Variants in PDE6A observed in about 807,000 individuals in gnomAD.
The protein encoded by PDE6A is phosphodiesterase 6A, also known as rod cGMP-specific 3',5'-cyclic phosphodiesterase subunit alpha.
A neutral mutation model predicts 106.3 loss-of-function variants in PDE6A; 84 were observed. The observed-to-expected ratio is 0.79, with a 90% CI of 0.66 to 0.95. The LOEUF (loss-of-function observed/expected upper bound fraction) is 0.95, where lower values mean the gene tolerates loss of function less well. PDE6A is among the 40% of genes least tolerant of loss of function. The pLI is 0.00. For synonymous variants in PDE6A, 394 were observed against 386.6 expected (o/e 1.02, Z -0.23); for missense variants, 1,052 against 1,084.9 (o/e 0.97, Z 0.43).
chr5:149,942,212 C>G (rs1032723652), intron 1 of PDE6A, among the ~76,000 whole-genome samples: 1 of 152,194 alleles, frequency 6.6e-6, no homozygotes, highest in Non-Finnish European at 1.5e-5. Context: ...GTCTTCCCAC[C>G]TCAGCCTCCC....
intron 3 of PDE6A, chr5:149,932,423 G>C: frequency 1.4e-6 from 2 of 1,383,040 alleles, no homozygotes; most frequent in Non-Finnish European, 2.0e-6. Flanking sequence ...GGAGTTTAAA[G>C]GGAGTTGACT....
At chr5:149,929,157 A>G (rs966559320) in intron 4 of PDE6A, among the ~76,000 whole-genome samples, 1 of 152,254 alleles carries the variant, frequency 6.6e-6, no homozygotes, top group African/African-American at 2.4e-5. Flanking sequence ...TACTAGTAAT[A>G]TACTAGAAGT....
intron 13 of PDE6A, among the ~76,000 whole-genome samples, chr5:149,890,348 T>C (rs758839362): frequency 2.0e-4 from 30 of 152,342 alleles, no homozygotes; most frequent in South Asian, 1.0e-3. Flanking sequence ...CAAAAAGATA[T>C]CTCTTCTTGT....
chr5:149,892,701 G>A (rs1051069632), intron 13 of PDE6A, among the ~76,000 whole-genome samples: 2 of 151,914 alleles, frequency 1.3e-5, no homozygotes, highest in African/African-American at 4.8e-5. Context: ...GGCTGACCTC[G>A]AACTCCTGGG....
intron 4 of PDE6A, among the ~76,000 whole-genome samples, chr5:149,924,534 T>C (rs978359247): frequency 6.6e-6 from 1 of 152,000 alleles, no homozygotes; most frequent in African/African-American, 2.4e-5. Context: ...TTAATTACGG[T>C]ATATTTATAC....
intron 21 of PDE6A, 139 bp from the exon 22 acceptor site, chr5:149,861,110 C>A: frequency 1.4e-6 from 1 of 720,730 alleles, no homozygotes; most frequent in Non-Finnish European, 2.5e-6. Context: ...AGAAGGCAAA[C>A]CAGGTGTGAG....
chr5:149,931,454 G>C (rs914289875), intron 3 of PDE6A, among the ~76,000 whole-genome samples: 2 of 151,796 alleles, frequency 1.3e-5, no homozygotes, highest in Non-Finnish European at 2.9e-5. Flanking sequence ...GAGTAAAAAC[G>C]TACTTTATAG....
chr5:149,884,346 GTGTATATATGTGTATATA>G (rs1190271567), intron 16 of PDE6A, 115 bp downstream of exon 16: 15 of 654,920 alleles, frequency 2.3e-5, no homozygotes, highest in African/African-American at 2.1e-4. Context: ...ATATATATGT[GTGTATATATGTGTATATA>G]TGTATATATG....
chr5:149,913,899 G>C (rs1753468916), intron 6 of PDE6A, among the ~76,000 whole-genome samples: 1 of 152,192 alleles, frequency 6.6e-6, no homozygotes, highest in South Asian at 2.1e-4. Context: ...TTGAGTCTCA[G>C]CTACCTAGAT....
intron 3 of PDE6A, chr5:149,932,578 G>A: frequency 6.4e-7 from 1 of 1,560,786 alleles, no homozygotes; most frequent in Non-Finnish European, 8.8e-7. Context: ...GCGTTTGGCG[G>A]TGCTACTTTT....
Position 149,933,941 on chromosome 5 carries a change from G to T in PDE6A, c.706C>A (p.Arg236=). The change falls in exon 3 of 22, where the codon CGA becomes AGA. Residue 236 remains arginine (R), a synonymous_variant. Transcript: ENST00000255266. ...CCCAAGCCCCTTACCTGGCCACGTC[G>T]AGTTTCACAGTTGTGCAGGTAACTC... ...HLSYLHNCET[R]RGQILLWSGS... is the part of the protein sequence containing the mutation. The T allele has an allele frequency of 6.2e-7, 1 of 1,612,992 alleles. No homozygotes were observed. The highest frequency in any genetic ancestry group is 1.7e-5 in the Admixed American group (1 of 59,990).
chr5:149,931,208 CA>C, intron 3 of PDE6A, 40 bp from the exon 4 acceptor site: 1 of 1,604,482 alleles, frequency 6.2e-7, no homozygotes, highest in East Asian at 2.2e-5. Flanking sequence ...TTTTGAGGTG[CA>C]AAGTAGTAGC....
intron 18 of PDE6A, 39 bp downstream of exon 18, chr5:149,868,056 C>A (rs768685072): frequency 1.3e-6 from 2 of 1,595,778 alleles, no homozygotes; most frequent in Non-Finnish European, 8.6e-7. Context: ...GCCCCCAGTA[C>A]TGGGATGCCC....
chr5:149,934,880 T>C (rs1686396644), intron 1 of PDE6A, among the ~76,000 whole-genome samples, 162 bp from the exon 2 acceptor site: 2 of 152,100 alleles, frequency 1.3e-5, no homozygotes, highest in South Asian at 4.1e-4. Context: ...GCTTCCAAAA[T>C]CCAGTAGAAG....
At chr5:149,928,233 T>TATATATA (rs1163863793) in intron 4 of PDE6A, among the ~76,000 whole-genome samples, 4 of 9,632 alleles carry the variant, frequency 4.2e-4, no homozygotes, top group Admixed American at 9.5e-4. Context: ...ATATATATAT[T>TATATATA]TTTTTTTTTT....
At chr5:149,885,272 C>A (rs1752246953) in intron 14 of PDE6A, among the ~76,000 whole-genome samples, 2 of 152,248 alleles carry the variant, frequency 1.3e-5, no homozygotes, top group African/African-American at 4.8e-5. Context: ...TAAACCCAAT[C>A]TCTAGCCCCA....
chr5:149,863,149 T>C lies in PDE6A; in HGVS notation c.2476A>G (p.Lys826Glu). The C allele has an allele frequency of 6.2e-7, 1 of 1,614,134 alleles. No individual in the cohort carries two copies. The highest frequency in any genetic ancestry group is 8.5e-7 in the Non-Finnish European group (1 of 1,180,030). Reference sequence around the variant, plus strand: ...TTGGCCGACTGCTGTTTCTGCTTCTTCTCCTCCTGCACCTTCATCTTGGCA... The same window carrying C: ...TTGGCCGACTGCTGTTTCTGCTTCTCCTCCTCCTGCACCTTCATCTTGGCA... Reference protein sequence around the residue: ...YDAKMKVQEEKKQKQQSAKSA... With the variant: ...YDAKMKVQEEEKQKQQSAKSA... Residue 826 changes from lysine to glutamate, a missense_variant, in exon 21 of 22, where the codon AAG becomes GAG. Transcript: ENST00000255266. The surrounding 1 kb of genome is among the most constrained non-coding windows in gnomAD (Gnocchi z 4.7).
At chr5:149,930,750 G>A (rs567196025) in intron 4 of PDE6A, among the ~76,000 whole-genome samples, 1 of 152,188 alleles carries the variant, frequency 6.6e-6, no homozygotes, top group Admixed American at 6.5e-5. Context: ...CTTTATCACT[G>A]GCCTTCATCA....
In PDE6A at chr5:149,933,940, C is replaced by A. The variant is rs145035471; in HGVS notation, c.707G>T (p.Arg236Leu). Residue 236 changes from arginine (R) to leucine (L), a missense_variant, in exon 3 of 22, where the codon CGA becomes CTA. Arg to Leu is a moderately radical substitution (Grantham distance 102). This residue lies in a region of PDE6A where 913 missense variants were observed against 915.2 expected (regional missense o/e 1.00). Transcript: ENST00000255266. ...HLSYLHNCET[R>L]RGQILLWSGS... ...GCCCAAGCCCCTTACCTGGCCACGT[C>A]GAGTTTCACAGTTGTGCAGGTAACT... 29 of 1,612,762 alleles carry A rather than the reference C, an allele frequency of 1.8e-5. No individual in the cohort carries two copies. In the African/African-American group the frequency reaches 2.9e-4, roughly 16 times the overall value.
Sources: allele counts gnomAD v4.1 joint callset (sites outside exome capture counted in the v4.1 genomes callset), GRCh38; gene constraint gnomAD v4.1.1; regional missense constraint gnomAD v4.1.1; non-coding constraint Gnocchi (gnomAD v3.1); transcripts MANE v1.5; gene names NCBI Gene and HGNC (gene_info 2026-07-23, HGNC 2026-07-21).